NCKAP5: variants seen among roughly 807,000 people sequenced by gnomAD.
NCKAP5 encodes nck-associated protein 5.
NCKAP5 carries 92 observed loss-of-function variants against 167.0 expected under a neutral mutation model. That is an observed-to-expected ratio of 0.55 (90% CI 0.47 to 0.66). The LOEUF (loss-of-function observed/expected upper bound fraction) is 0.66. Ranked by LOEUF, NCKAP5 falls within the 30% of genes least tolerant of loss-of-function variation. The pLI, the probability that NCKAP5 is intolerant of heterozygous loss-of-function variation, is 0.00. For missense variants in NCKAP5, 2,378 were observed against 2,315.0 expected, an observed-to-expected ratio of 1.03 and a Z score of -0.56; for synonymous variants, 891 against 877.4, an observed-to-expected ratio of 1.02 and a Z score of -0.27.
chr2:132,760,277 G>A, intron 16 of NCKAP5, among the ~76,000 whole-genome samples: 1 of 152,046 alleles, frequency 6.6e-6, no homozygotes, highest in East Asian at 1.9e-4. Context: ...GGTTTAATGA[G>A]GATCTACTGG....
intron 4 of NCKAP5, among the ~76,000 whole-genome samples, chr2:133,287,568 T>C (rs1349412189): frequency 6.6e-6 from 1 of 152,252 alleles, no homozygotes; most frequent in Non-Finnish European, 1.5e-5. Flanking sequence ...AAACACCTGT[T>C]ATGTTCAACC....
chr2:133,037,961 T>A (rs952715764), intron 6 of NCKAP5, among the ~76,000 whole-genome samples: 1 of 152,008 alleles, frequency 6.6e-6, no homozygotes, highest in African/African-American at 2.4e-5. Flanking sequence ...AAAAGATAAG[T>A]AATAACAAAC....
chr2:133,086,319 C>T (rs2080988673), intron 6 of NCKAP5, among the ~76,000 whole-genome samples: 1 of 152,108 alleles, frequency 6.6e-6, no homozygotes, highest in Admixed American at 6.5e-5. Context: ...ATTCCATTTT[C>T]CTTCTGAAGC....
intron 5 of NCKAP5, among the ~76,000 whole-genome samples, chr2:133,180,604 G>T (rs1371460523): frequency 2.6e-5 from 4 of 152,108 alleles, no homozygotes. Flanking sequence ...CTCCCAAAGT[G>T]CTGGGATTAC....
At chr2:132,986,292 G>A (rs145168952) in intron 7 of NCKAP5, among the ~76,000 whole-genome samples, 157 of 152,260 alleles carry the variant, frequency 1.0e-3, no homozygotes, top group African/African-American at 3.6e-3. Flanking sequence ...TCAAAATGAG[G>A]GAAAAGGTTA....
chr2:132,741,820 T>C (rs1289768278), intron 16 of NCKAP5, among the ~76,000 whole-genome samples: 1 of 152,094 alleles, frequency 6.6e-6, no homozygotes, highest in African/African-American at 2.4e-5. Flanking sequence ...CCTTGCCCAT[T>C]CTCTAACAAA....
intron 5 of NCKAP5, among the ~76,000 whole-genome samples, chr2:133,161,200 A>G (rs1179016069): frequency 6.6e-6 from 1 of 152,102 alleles, no homozygotes; most frequent in Non-Finnish European, 1.5e-5. Flanking sequence ...CATCTCTCCA[A>G]CTTCCACCCC....
At chr2:133,163,703 T>C (rs1166694754) in intron 5 of NCKAP5, among the ~76,000 whole-genome samples, 1 of 152,212 alleles carries the variant, frequency 6.6e-6, no homozygotes, top group African/African-American at 2.4e-5. Context: ...TTTGTTGTTG[T>C]TTAAACTTTT....
At chr2:132,826,381 G>A (rs1687125223) in intron 11 of NCKAP5, among the ~76,000 whole-genome samples, 1 of 152,106 alleles carries the variant, frequency 6.6e-6, no homozygotes, top group South Asian at 2.1e-4. Context: ...GCATCATGAT[G>A]AGAAAACAAT....
intron 7 of NCKAP5, among the ~76,000 whole-genome samples, chr2:132,981,504 A>G (rs556847080): frequency 1.3e-5 from 2 of 152,158 alleles, no homozygotes; most frequent in African/African-American, 2.4e-5. Flanking sequence ...TGTAATTTGC[A>G]TTTACTTGCT....
At chr2:133,623,453 G>GA in the NCKAP5 span, among the ~76,000 whole-genome samples, 1 of 151,860 alleles carries the variant, frequency 6.6e-6, no homozygotes, top group Non-Finnish European at 1.5e-5. Flanking sequence ...AAATAAGCAA[G>GA]AAAAAATCAA....
At chr2:132,877,779 G>T (rs1163904167) in intron 9 of NCKAP5, among the ~76,000 whole-genome samples, 1 of 152,124 alleles carries the variant, frequency 6.6e-6, no homozygotes. Context: ...AGAGGGGAAT[G>T]GAGAGGGTAA....
chr2:133,562,179 G>A (rs1206224396), intron 1 of NCKAP5, among the ~76,000 whole-genome samples: 1 of 151,418 alleles, frequency 6.6e-6, no homozygotes, highest in Non-Finnish European at 1.5e-5. Flanking sequence ...GGGTAGAGAG[G>A]GTGGCCCAAG....
At chr2:133,609,582 G>T in the NCKAP5 span, among the ~76,000 whole-genome samples, 2 of 151,980 alleles carry the variant, frequency 1.3e-5, no homozygotes, top group Non-Finnish European at 2.9e-5. Flanking sequence ...TTATCTAGGG[G>T]CCATAAGTGG....
the NCKAP5 span, among the ~76,000 whole-genome samples, chr2:133,614,976 G>T: frequency 3.3e-5 from 5 of 152,178 alleles, no homozygotes; most frequent in East Asian, 9.6e-4. Flanking sequence ...CAAGCCAGAA[G>T]AGAGTGGGGG....
At chr2:132,794,956 A>G (rs1684461825) in intron 12 of NCKAP5, among the ~76,000 whole-genome samples, 1 of 152,172 alleles carries the variant, frequency 6.6e-6, no homozygotes, top group South Asian at 2.1e-4. Flanking sequence ...ATGGTACCAC[A>G]TATTAAGAGA....
At chr2:133,408,058 C>T (rs1391429305) in intron 3 of NCKAP5, among the ~76,000 whole-genome samples, 1 of 152,144 alleles carries the variant, frequency 6.6e-6, no homozygotes, top group Non-Finnish European at 1.5e-5. Flanking sequence ...ATCAGAGGGT[C>T]CTGAGAACTT....
At chr2:133,020,510 C>T (rs1441057455) in intron 6 of NCKAP5, among the ~76,000 whole-genome samples, 1 of 152,160 alleles carries the variant, frequency 6.6e-6, no homozygotes, top group Non-Finnish European at 1.5e-5. Flanking sequence ...ACAAGGAAAG[C>T]CAGAAGAAAC....
chr2:132,925,737 C>T (rs546964189), intron 8 of NCKAP5, among the ~76,000 whole-genome samples: 15 of 152,012 alleles, frequency 9.9e-5, no homozygotes, highest in African/African-American at 3.4e-4. Flanking sequence ...GTTGGGGACC[C>T]CTGTTTTGGG....
Sources: gnomAD v4.1 joint callset for allele counts (sites outside exome capture counted in the v4.1 genomes callset) on GRCh38, gnomAD v4.1.1 for gene constraint, MANE v1.5 for transcripts, NCBI Gene and HGNC (gene_info 2026-07-23, HGNC 2026-07-21) for gene names.